The following DOCK4 variants were observed in gnomAD, a reference collection of about 807,000 sequenced individuals.
The protein encoded by DOCK4 is dedicator of cytokinesis 4.
In DOCK4, 97 loss-of-function variants were observed where a neutral mutation model predicts 268.1. The ratio of observed to expected loss-of-function variants is 0.36; its 90% confidence interval spans 0.31 to 0.43. The LOEUF is 0.43. Among genes scored for constraint, DOCK4 ranks in the 20% least tolerant of loss-of-function variants. The pLI, the probability that DOCK4 is intolerant of heterozygous loss-of-function variation, is 1.00. For synonymous variants in DOCK4, 954 were observed against 887.2 expected (o/e 1.08, Z -1.34); for missense variants, 2,145 against 2,455.7 (o/e 0.87, Z 2.67).
intron 1 of DOCK4, among the ~76,000 whole-genome samples, chr7:112,086,283 A>C (rs956396949): frequency 6.6e-6 from 1 of 152,130 alleles, no homozygotes; most frequent in Non-Finnish European, 1.5e-5. Context: ...ACCACAGTTC[A>C]TGCCCATTTA....
intron 1 of DOCK4, among the ~76,000 whole-genome samples, chr7:112,056,168 CA>C (rs1214005040): frequency 3.3e-5 from 5 of 152,062 alleles, no homozygotes; most frequent in Non-Finnish European, 7.3e-5. Context: ...AACCCCCTTT[CA>C]AGAAGAGCAG....
At chr7:111,975,912 C>T (rs113990397) in intron 8 of DOCK4, among the ~76,000 whole-genome samples, 18,078 of 150,972 alleles carry the variant, frequency 0.12, 1,140 homozygotes, top group Middle Eastern at 0.19. Context: ...GCCTGTAATC[C>T]CAGCATTTTG....
Position 111,782,205 on chromosome 7 carries a change from AT to A in DOCK4, c.3585+658del, listed in dbSNP as rs1339176228. Among the ~76,000 whole-genome samples the A allele has an allele frequency of 2.0e-5, 3 of 152,316 alleles. No homozygotes were observed. The East Asian group carries it at 5.8e-4, about 29-fold the overall frequency. On this transcript the variant is annotated intron_variant, in intron 35 of 52. Transcript: ENST00000428084. ...ATACCATTCTATTTAATAGTTAGTT[AT>A]GTGACATTTTATATAAATGTTGGCT...
chr7:111,941,335 C>T (rs1309474847), intron 10 of DOCK4, among the ~76,000 whole-genome samples: 2 of 152,074 alleles, frequency 1.3e-5, no homozygotes, highest in Non-Finnish European at 2.9e-5. Context: ...GAAAACCGAA[C>T]ACTTTATGTC....
At chr7:111,946,407 T>C (rs1795625454) in intron 8 of DOCK4, among the ~76,000 whole-genome samples, 2 of 152,146 alleles carry the variant, frequency 1.3e-5, no homozygotes, top group Non-Finnish European at 1.5e-5. Flanking sequence ...ACTGTTGTCC[T>C]TGCACATAAG....
intron 17 of DOCK4, among the ~76,000 whole-genome samples, chr7:111,876,167 A>G (rs1806852959): frequency 6.6e-6 from 1 of 152,158 alleles, no homozygotes; most frequent in African/African-American, 2.4e-5. Context: ...ATGCTGATAA[A>G]ACCTGGTATA....
chr7:111,979,196 C>T lies in DOCK4; in HGVS notation c.550-1913G>A, dbSNP rs1000728211. On this transcript the variant is annotated intron_variant, in intron 7 of 52. Transcript: ENST00000428084. Reference sequence around the variant, plus strand: ...ATAGAATCACTAGAATTTTTTCGTGCTTAGAAGTTAAAACTTTTATTCCGA... The same window carrying T: ...ATAGAATCACTAGAATTTTTTCGTGTTTAGAAGTTAAAACTTTTATTCCGA... Among the ~76,000 whole-genome samples the T allele has an allele frequency of 1.1e-4, 17 of 152,216 alleles. 1 individual carries two copies. The South Asian group carries it at 1.5e-3, about 13-fold the overall frequency.
intron 1 of DOCK4, among the ~76,000 whole-genome samples, chr7:112,198,591 C>T (rs1169733663): frequency 6.6e-6 from 1 of 152,156 alleles, no homozygotes; most frequent in Non-Finnish European, 1.5e-5. Context: ...ACTGCAGTGC[C>T]TCTCTTTACT....
intron 1 of DOCK4, among the ~76,000 whole-genome samples, chr7:112,022,466 C>T (rs982261899): frequency 6.0e-5 from 9 of 151,216 alleles, no homozygotes; most frequent in Non-Finnish European, 1.5e-5. Flanking sequence ...GAAGCAGGCA[C>T]AGAGTAGCGG....
In DOCK4 at chr7:111,938,948, T is replaced by C. The variant is rs1014478189; in HGVS notation, c.977+1162A>G. On this transcript the variant is annotated intron_variant, in intron 11 of 52. Transcript: ENST00000428084. ...GAGATTGCTCCACTACACTCCAGCC[T>C]GGGTGACAGAGCGAGACTCTGTCTC... is the stretch of plus-strand genomic sequence containing the variant. Among the ~76,000 whole-genome samples the C allele has an allele frequency of 3.1e-5, 4 of 129,608 alleles. No homozygotes were observed. In the East Asian group the frequency reaches 9.2e-4, roughly 30 times the overall value. 85.0% of individuals were successfully genotyped at this position (129,608 alleles called of 152,430 possible).
At chr7:111,955,087 T>C (rs1436175318) in intron 8 of DOCK4, among the ~76,000 whole-genome samples, 1 of 152,226 alleles carries the variant, frequency 6.6e-6, no homozygotes, top group East Asian at 1.9e-4. Flanking sequence ...AAACAGGCAA[T>C]GTACGCCTGG....
chr7:111,992,294 A>G (rs142147252), intron 5 of DOCK4, among the ~76,000 whole-genome samples: 498 of 152,302 alleles, frequency 3.3e-3, no homozygotes, highest in Non-Finnish European at 5.2e-3. Context: ...AGGTGCCTTA[A>G]AACTGTTGGA....
At chr7:111,955,505 T>C (rs1796386494) in intron 8 of DOCK4, among the ~76,000 whole-genome samples, 1 of 152,242 alleles carries the variant, frequency 6.6e-6, no homozygotes, top group Non-Finnish European at 1.5e-5. Context: ...TTTTAAACTA[T>C]AGCCAATTCC....
At chr7:111,778,515 G>T in intron 35 of DOCK4, 146 bp from the exon 36 acceptor site, 1 of 479,094 alleles carries the variant, frequency 2.1e-6, no homozygotes, top group South Asian at 4.6e-5. Flanking sequence ...GAAATAAGGT[G>T]GCTCAGTGAC....
intron 42 of DOCK4, among the ~76,000 whole-genome samples, chr7:111,754,831 G>T (rs1214949577): frequency 1.3e-5 from 2 of 152,170 alleles, no homozygotes; most frequent in Admixed American, 6.5e-5. Context: ...TTCTACAGTG[G>T]CACCCACTGA....
At chr7:111,860,977 C>G (rs991963271) in intron 23 of DOCK4, among the ~76,000 whole-genome samples, 3 of 152,168 alleles carry the variant, frequency 2.0e-5, no homozygotes, top group Non-Finnish European at 4.4e-5. Context: ...TCTTTTAGTG[C>G]AAGACTTTAA....
intron 1 of DOCK4, among the ~76,000 whole-genome samples, chr7:112,160,713 A>G (rs1817033020): frequency 6.6e-6 from 1 of 152,228 alleles, no homozygotes; most frequent in South Asian, 2.1e-4. Flanking sequence ...ATGTTCCTTC[A>G]GCAGGGAACA....
chr7:112,196,476 C>T (rs1820457929), intron 1 of DOCK4, among the ~76,000 whole-genome samples: 1 of 152,110 alleles, frequency 6.6e-6, no homozygotes, highest in Non-Finnish European at 1.5e-5. Context: ...TTCTATAGAC[C>T]CCTTTCCACC....
intron 1 of DOCK4, among the ~76,000 whole-genome samples, chr7:112,139,795 A>T (rs76227339): frequency 0.039 from 5,891 of 152,250 alleles, 183 homozygotes; most frequent in African/African-American, 0.086. Context: ...GCAGAATAGG[A>T]GGTTTGAAGA....
Sources: gnomAD v4.1 joint callset for allele counts (sites outside exome capture counted in the v4.1 genomes callset) on GRCh38, gnomAD v4.1.1 for gene constraint, MANE v1.5 for transcripts, NCBI Gene and HGNC (gene_info 2026-07-23, HGNC 2026-07-21) for gene names.